The following CCSER1 variants were observed in gnomAD, a reference collection of about 807,000 sequenced individuals.
The protein encoded by CCSER1 is serine-rich coiled-coil domain-containing protein 1.
A neutral mutation model predicts 82.0 loss-of-function variants in CCSER1; 41 were observed. The ratio of observed to expected loss-of-function variants is 0.50; its 90% CI spans 0.39 to 0.65. The LOEUF is 0.65. CCSER1 is among the 30% of genes least tolerant of loss of function. The pLI is 0.00. For synonymous variants in CCSER1, 414 were observed against 383.9 expected, an observed-to-expected ratio of 1.08 and a Z score of -0.92; for missense variants, 1,119 against 1,064.2, an observed-to-expected ratio of 1.05 and a Z score of -0.72.
chr4:90,934,927 A>ATC (rs1459104180), intron 9 of CCSER1, among the ~76,000 whole-genome samples: 1 of 151,976 alleles, frequency 6.6e-6, no homozygotes, highest in Non-Finnish European at 1.5e-5. Flanking sequence ...GTGAAACTCC[A>ATC]TCACACACAC....
At position 91,559,824 on chromosome 4, in the gene CCSER1, A is replaced by G. The variant is rs945773583; in HGVS notation, c.2218-38748A>G. Among the ~76,000 whole-genome samples the G allele has an allele frequency of 4.6e-5, 7 of 151,536 alleles. No individual in the cohort carries two copies. In the South Asian group the frequency reaches 8.3e-4, roughly 18 times the overall value. ...ATATTTTAAATAGTATCATATTGTA[A>G]TATCTTAACCATTAGTGATCTAAAT... On this transcript the variant is annotated intron_variant, in intron 10 of 10. Coordinates refer to ENST00000509176, the MANE Select transcript of CCSER1 (RefSeq NM_001145065.2).
At chr4:91,578,453 C>T (rs574574465) in intron 10 of CCSER1, among the ~76,000 whole-genome samples, 1 of 151,988 alleles carries the variant, frequency 6.6e-6, no homozygotes, top group East Asian at 1.9e-4. Context: ...ATCTATGTCA[C>T]AATATAGCAG....
At chr4:91,567,062 G>A (rs1279606353) in intron 10 of CCSER1, among the ~76,000 whole-genome samples, 1 of 151,998 alleles carries the variant, frequency 6.6e-6, no homozygotes, top group East Asian at 1.9e-4. Context: ...CTGTGTCCCA[G>A]AGATTCTGGT....
At chr4:90,417,457 AAG>A (rs1172933940) in intron 4 of CCSER1, among the ~76,000 whole-genome samples, 2 of 152,016 alleles carry the variant, frequency 1.3e-5, no homozygotes, top group Non-Finnish European at 2.9e-5. Flanking sequence ...CAATTTGCAG[AAG>A]AGTTTTTAAA....
intron 1 of CCSER1, among the ~76,000 whole-genome samples, chr4:90,154,888 T>C (rs1308430534): frequency 0.024 from 3,572 of 151,958 alleles, 94 homozygotes; most frequent in African/African-American, 0.08. Flanking sequence ...TCCTGCCTAA[T>C]TGCCCTGGCC....
chr4:90,469,524 A>AACAC (rs3971380), intron 5 of CCSER1, among the ~76,000 whole-genome samples: 7,521 of 136,338 alleles, frequency 0.055, 414 homozygotes, highest in African/African-American at 0.14. Context: ...TTTCCTGCAA[A>AACAC]ACACACACAC....
chr4:91,513,269 C>A (rs1759922850), intron 10 of CCSER1, among the ~76,000 whole-genome samples: 1 of 152,030 alleles, frequency 6.6e-6, no homozygotes, highest in African/African-American at 2.4e-5. Flanking sequence ...TGGTGAATCA[C>A]AATTTTTTAT....
At chr4:91,594,572 A>G (rs1248453887) in intron 10 of CCSER1, among the ~76,000 whole-genome samples, 1 of 151,680 alleles carries the variant, frequency 6.6e-6, no homozygotes, top group Non-Finnish European at 1.5e-5. Flanking sequence ...ATGTATTTTA[A>G]TATTTTGTGT....
chr4:91,363,692 A>G (rs2149315503), intron 10 of CCSER1, among the ~76,000 whole-genome samples: 1 of 151,840 alleles, frequency 6.6e-6, no homozygotes, highest in African/African-American at 2.4e-5. Flanking sequence ...TATTTGCATC[A>G]TTTTCTTTGA....
At chr4:91,086,541 T>C (rs1323459242) in intron 10 of CCSER1, among the ~76,000 whole-genome samples, 1 of 152,084 alleles carries the variant, frequency 6.6e-6, no homozygotes, top group Admixed American at 6.6e-5. Flanking sequence ...ATAAATGCTG[T>C]ACTTAACTCT....
At chr4:91,057,303 G>A (rs945036509) in intron 9 of CCSER1, among the ~76,000 whole-genome samples, 31 of 152,092 alleles carry the variant, frequency 2.0e-4, no homozygotes, top group African/African-American at 7.2e-4. Flanking sequence ...AAAGGCTTCA[G>A]TACACTCCAG....
intron 6 of CCSER1, among the ~76,000 whole-genome samples, chr4:90,714,060 G>A (rs745857778): frequency 4.7e-4 from 72 of 151,856 alleles, no homozygotes; most frequent in Non-Finnish European, 7.8e-4. Flanking sequence ...AGTTGAAAAC[G>A]TTGAATTCAT....
intron 1 of CCSER1, among the ~76,000 whole-genome samples, chr4:90,171,786 C>T (rs889599239): frequency 6.6e-6 from 1 of 151,750 alleles, no homozygotes; most frequent in African/African-American, 2.4e-5. Context: ...TTCCAGCACC[C>T]ACTTAAAAAG....
intron 1 of CCSER1, among the ~76,000 whole-genome samples, chr4:90,265,574 CA>C (rs1328087530): frequency 7.2e-5 from 11 of 151,906 alleles, no homozygotes; most frequent in African/African-American, 2.2e-4. Context: ...AATAAGCTAT[CA>C]AAAATTATAA....
chr4:90,901,404 G>A (rs138194682), intron 8 of CCSER1, among the ~76,000 whole-genome samples: 389 of 151,960 alleles, frequency 2.6e-3, no homozygotes, highest in Non-Finnish European at 4.3e-3. Context: ...TTGTACTTAT[G>A]GGTGCTTTTA....
intron 1 of CCSER1, among the ~76,000 whole-genome samples, chr4:90,288,558 C>T (rs1411976961): frequency 1.3e-5 from 2 of 151,854 alleles, no homozygotes; most frequent in African/African-American, 2.4e-5. Context: ...ATCCTCTGTG[C>T]CTGGAGGAGA....
intron 10 of CCSER1, among the ~76,000 whole-genome samples, chr4:91,473,400 A>G (rs1035112839): frequency 3.9e-5 from 6 of 152,072 alleles, no homozygotes; most frequent in Non-Finnish European, 8.8e-5. Flanking sequence ...TCACAAAAGA[A>G]CAGAGATCAA....
At chr4:90,813,578 G>T (rs925049139) in intron 7 of CCSER1, among the ~76,000 whole-genome samples, 2 of 152,128 alleles carry the variant, frequency 1.3e-5, no homozygotes, top group Non-Finnish European at 2.9e-5. Context: ...CTATTCTCGT[G>T]ATTGTGCATA....
intron 10 of CCSER1, among the ~76,000 whole-genome samples, chr4:91,125,145 A>G (rs1007348916): frequency 6.6e-6 from 1 of 151,706 alleles, no homozygotes; most frequent in Non-Finnish European, 1.5e-5. Context: ...ATTTGTATAT[A>G]TATTTAGGTA....
Sources: gnomAD v4.1 joint callset for allele counts (sites outside exome capture counted in the v4.1 genomes callset) on GRCh38, gnomAD v4.1.1 for gene constraint, MANE v1.5 for transcripts, NCBI Gene and HGNC (gene_info 2026-07-23, HGNC 2026-07-21) for gene names.